Variants in PARP6 observed in about 807,000 individuals in gnomAD.
PARP6 encodes protein mono-ADP-ribosyltransferase PARP6.
PARP6 carries 27 observed loss-of-function variants against 92.0 expected under a neutral mutation model. The observed-to-expected ratio is 0.29, with a 90% CI of 0.22 to 0.40. PARP6 has a LOEUF of 0.40. Ranked by LOEUF, PARP6 falls within the 10% of genes least tolerant of loss-of-function variation. PARP6 has a pLI of 1.00. For synonymous variants in PARP6, 272 were observed against 281.2 expected, an observed-to-expected ratio of 0.97 and a Z score of 0.33; for missense variants, 501 against 784.5, an observed-to-expected ratio of 0.64 and a Z score of 4.32.
intron 20 of PARP6, chr15:72,243,002 G>T (rs919903353): frequency 2.9e-6 from 1 of 339,566 alleles, no homozygotes; most frequent in Non-Finnish European, 5.3e-6. Flanking sequence ...GCAGGATTAG[G>T]AAGAGTTAAT....
At chr15:72,259,701 G>A in intron 10 of PARP6, 40 bp from the exon 11 acceptor site, 1 of 1,588,842 alleles carries the variant, frequency 6.3e-7, no homozygotes, top group Non-Finnish European at 8.6e-7. Context: ...AACCTCCTAT[G>A]AAGCTGGGGC....
intron 19 of PARP6, 34 bp downstream of exon 19, chr15:72,249,986 G>A (rs762377276): frequency 2.1e-6 from 3 of 1,409,832 alleles, no homozygotes; most frequent in South Asian, 2.3e-5. Context: ...GAAGGGAGCG[G>A]TTAGAAATAA....
At chr15:72,247,206 G>A (rs1022746369) in intron 20 of PARP6, among the ~76,000 whole-genome samples, 1 of 151,952 alleles carries the variant, frequency 6.6e-6, no homozygotes, top group African/African-American at 2.4e-5. Flanking sequence ...ACAGGGTCTC[G>A]CTCTACTGCC....
intron 14 of PARP6, 127 bp from the exon 15 acceptor site, chr15:72,254,647 G>C (rs1191014064): frequency 3.0e-6 from 2 of 667,138 alleles, no homozygotes; most frequent in East Asian, 5.2e-5. Flanking sequence ...GTCATGGAAA[G>C]AGCATTAATG....
chr15:72,260,702 GC>G lies in PARP6; in HGVS notation c.546-15del, dbSNP rs1246357262. On this transcript the variant is annotated splice_polypyrimidine_tract_variant and intron_variant, in intron 9 of 23. Coordinates refer to ENST00000569795, the MANE Select transcript of PARP6 (RefSeq NM_001323532.2). The stretch of plus-strand genomic sequence containing the variant: ...AAACTGGGAGACCTGCAGAGAGAGA[GC>G]AAAGAGAAGTGATAAAACTGGGGAT... The G allele has an allele frequency of 2.5e-6, 4 of 1,588,666 alleles. No homozygotes were observed. Among genetic ancestry groups the G allele is most frequent in the Non-Finnish European group, 3.5e-6 (4 of 1,156,914 alleles).
rs1391736740 is a variant in PARP6, at chr15:72,242,757, T to C, written c.1562-58A>G. ...CAAAAATTTACGAAAGTGCCTACTA[T>C]GTCCCAGCACTGAGCTAGATGCTCA... On this transcript the variant is annotated intron_variant, in intron 20 of 23. Coordinates refer to ENST00000569795, the MANE Select transcript of PARP6 (RefSeq NM_001323532.2). The surrounding 1 kb of genome is among the most constrained non-coding windows in gnomAD (Gnocchi z 4.3). The C allele has an allele frequency of 7.7e-6, 8 of 1,044,164 alleles. No individual in the cohort carries two copies. The highest frequency in any genetic ancestry group is 2.4e-5 in the East Asian group (1 of 41,990). The allele number at this position is 1,044,164 out of a possible 1,614,324, so 64.7% of individuals were successfully genotyped here. A position where few individuals can be genotyped will look rare whatever the true frequency, so the allele number is the denominator to read the frequency against.
intron 10 of PARP6, 36 bp from the exon 11 acceptor site, chr15:72,259,697 C>T (rs1417149722): frequency 6.2e-7 from 1 of 1,600,488 alleles, no homozygotes; most frequent in Non-Finnish European, 8.6e-7. Flanking sequence ...CGTGAACCTC[C>T]TATGAAGCTG....
At chr15:72,249,880 C>A (rs1156386621) in intron 19 of PARP6, 140 bp downstream of exon 19, 2 of 635,484 alleles carry the variant, frequency 3.1e-6, no homozygotes, top group Admixed American at 2.4e-5. Flanking sequence ...ACAGTTCTAA[C>A]TTCCTCTCTA....
At chr15:72,258,345 A>G (rs1278842541) in intron 11 of PARP6, among the ~76,000 whole-genome samples, 2 of 152,214 alleles carry the variant, frequency 1.3e-5, no homozygotes, top group African/African-American at 4.8e-5. Flanking sequence ...TTTGATTGAG[A>G]AGACCTGGGT....
intron 2 of PARP6, among the ~76,000 whole-genome samples, chr15:72,270,621 C>T (rs535785661): frequency 1.3e-5 from 2 of 152,308 alleles, no homozygotes; most frequent in Admixed American, 1.3e-4. Context: ...CTGCTGTTCC[C>T]CTTTCTTGGA....
At chr15:72,249,598 T>C (rs1167694273) in intron 19 of PARP6, among the ~76,000 whole-genome samples, 1 of 151,986 alleles carries the variant, frequency 6.6e-6, no homozygotes, top group African/African-American at 2.4e-5. Context: ...TTGGTACATA[T>C]GCAGATTCCA....
At chr15:72,265,544 AAG>A in intron 5 of PARP6, 71 bp from the exon 6 acceptor site, 1 of 1,192,214 alleles carries the variant, frequency 8.4e-7, no homozygotes, top group Non-Finnish European at 1.3e-6. Context: ...CTGAGTTGGA[AAG>A]AGAACTGAGC....
intron 18 of PARP6, 97 bp from the exon 19 acceptor site, chr15:72,250,189 C>T (rs2084164290): frequency 1.3e-6 from 1 of 773,520 alleles, no homozygotes; most frequent in African/African-American, 1.7e-5. Context: ...CCACACAGGA[C>T]ATGAAGATGG....
intron 2 of PARP6, among the ~76,000 whole-genome samples, chr15:72,270,441 A>C (rs1467641294): frequency 6.6e-6 from 1 of 151,608 alleles, no homozygotes; most frequent in African/African-American, 2.4e-5. Context: ...ATCAGAAGCT[A>C]CTCTAATGGG....
intron 14 of PARP6, among the ~76,000 whole-genome samples, chr15:72,255,679 T>C (rs183424355): frequency 1.3e-5 from 2 of 151,812 alleles, no homozygotes; most frequent in Admixed American, 1.3e-4. Context: ...TGTGAGGCAA[T>C]TCCTTATAAT....
chr15:72,259,683 AC>A (rs1436710985), intron 10 of PARP6, 22 bp from the exon 11 acceptor site: 3 of 1,610,436 alleles, frequency 1.9e-6, no homozygotes, highest in African/African-American at 2.7e-5. Context: ...AAAAAGACAG[AC>A]CCCGTGAACC....
rs572851312 is a variant in PARP6, at chr15:72,267,685, A to T, written c.-194-14T>A. 1.7e-6 allele frequency: 1 copy of T among 574,744 alleles called. No homozygotes were observed. The highest frequency in any genetic ancestry group is 3.2e-6 in the Non-Finnish European group (1 of 317,262). 35.6% of individuals were successfully genotyped at this position (574,744 alleles called of 1,614,324 possible). On this transcript the variant is annotated splice_polypyrimidine_tract_variant and intron_variant, in intron 2 of 23. Coordinates refer to ENST00000569795, the MANE Select transcript of PARP6 (RefSeq NM_001323532.2). ...CAAGTCACTGTCCTGTGGAAAGTAG[A>T]TAATAATGGGTTTCATCACCACTTA...
Position 72,242,237 on chromosome 15 carries a change from C to G in PARP6, c.1642-17G>C. On this transcript the variant is annotated splice_polypyrimidine_tract_variant and intron_variant, in intron 21 of 23. Coordinates refer to ENST00000569795, the MANE Select transcript of PARP6 (RefSeq NM_001323532.2). The surrounding 1 kb of genome is among the most constrained non-coding windows in gnomAD (Gnocchi z 4.3). ...GGATCGGGTCTGGAAGAGAAGGAGG[C>G]AAAGGAGACCAGAGCCAGGTAGATG... 6.2e-7 allele frequency: 1 copy of G among 1,610,288 alleles called. No homozygotes were observed. Among genetic ancestry groups the G allele is most frequent in the South Asian group, 1.1e-5 (1 of 90,996 alleles).
chr15:72,267,551 C>T lies in PARP6; in HGVS notation c.-74G>A. 1 of 1,532,162 alleles carries T rather than the reference C, an allele frequency of 6.5e-7. No homozygotes were observed. Among genetic ancestry groups the T allele is most frequent in the Admixed American group, 1.7e-5 (1 of 59,702 alleles). 94.9% of individuals were successfully genotyped at this position (1,532,162 alleles called of 1,614,324 possible). On this transcript the variant is annotated 5_prime_UTR_variant, in exon 3 of 24. Transcript: ENST00000569795. ...CTCCATACCACTAGCCGAACCAAGGCCAACGAGATGGGCATTTAGGAGACC... is the reference window on the plus strand; with the variant it reads ...CTCCATACCACTAGCCGAACCAAGGTCAACGAGATGGGCATTTAGGAGACC...
Sources: allele counts gnomAD v4.1 joint callset (sites outside exome capture counted in the v4.1 genomes callset), GRCh38; gene constraint gnomAD v4.1.1; non-coding constraint Gnocchi (gnomAD v3.1); transcripts MANE v1.5; gene names NCBI Gene and HGNC (gene_info 2026-07-23, HGNC 2026-07-21).